AOAH: variants seen among roughly 807,000 people sequenced by gnomAD.
AOAH encodes acyloxyacyl hydrolase (neutrophil).
AOAH carries 64 observed loss-of-function variants against 92.2 expected under a neutral mutation model. The observed-to-expected ratio is 0.69, with a 90% CI of 0.57 to 0.86. AOAH has a LOEUF of 0.86. Ranked by LOEUF, AOAH falls within the 40% of genes least tolerant of loss-of-function variation. The pLI is 0.00. For missense variants in AOAH, 656 were observed against 694.6 expected (o/e 0.94, Z 0.62); for synonymous variants, 263 against 254.5 (o/e 1.03, Z -0.32).
intron 1 of AOAH, among the ~76,000 whole-genome samples, chr7:36,701,090 G>C (rs1308194624): frequency 6.6e-6 from 1 of 151,866 alleles, no homozygotes; most frequent in Non-Finnish European, 1.5e-5. Context: ...AAGGAGGTGT[G>C]TTGTATTACT....
chr7:36,719,938 TTA>T (rs1491284901), intron 1 of AOAH, among the ~76,000 whole-genome samples: 1 of 125,326 alleles, frequency 8.0e-6, no homozygotes, highest in Non-Finnish European at 1.8e-5. Flanking sequence ...TTTGTCTTTA[TTA>T]AAAAAAAAAA....
In AOAH at chr7:36,514,449, G is replaced by A. The variant is rs527447203; in HGVS notation, c.1600-1069C>T. Reference sequence around the variant, plus strand: ...CTTAATACACAGCAGGCTCGACTCTGGCTTTCCCAGCCTGAGGCTTACTCT... The same window carrying A: ...CTTAATACACAGCAGGCTCGACTCTAGCTTTCCCAGCCTGAGGCTTACTCT... On this transcript the variant is annotated intron_variant, in intron 20 of 20. Transcript: ENST00000617537. 8 of 1,507,238 alleles carry A rather than the reference G, an allele frequency of 5.3e-6. No homozygotes were observed. In the South Asian group the frequency reaches 9.6e-5, roughly 18 times the overall value. 93.4% of individuals were successfully genotyped at this position (1,507,238 alleles called of 1,614,324 possible). A position where few individuals can be genotyped will look rare whatever the true frequency, so the allele number is the denominator to read the frequency against.
At chr7:36,540,099 T>A (rs1785319936) in intron 16 of AOAH, among the ~76,000 whole-genome samples, 1 of 152,198 alleles carries the variant, frequency 6.6e-6, no homozygotes, top group African/African-American at 2.4e-5. Context: ...TCCCAATTCT[T>A]CATGAATTAC....
At chr7:36,519,527 T>A (rs1784001967) in intron 20 of AOAH, among the ~76,000 whole-genome samples, 1 of 152,170 alleles carries the variant, frequency 6.6e-6, no homozygotes, top group Non-Finnish European at 1.5e-5. Flanking sequence ...GCTTCCTGGG[T>A]TCAAGCGATT....
At chr7:36,623,042 AAAAAG>A in intron 7 of AOAH, 143 bp downstream of exon 7, 3 of 790,996 alleles carry the variant, frequency 3.8e-6, no homozygotes, top group African/African-American at 1.7e-5. Context: ...CTTGGTCTCA[AAAAAG>A]AAAAGAAATT....
rs73344035 is a variant in AOAH at position 36,664,918 on chromosome 7, G to A, written c.291-5653C>T. On this transcript the variant is annotated intron_variant, in intron 3 of 20. Coordinates refer to ENST00000617537, the MANE Select transcript of AOAH (RefSeq NM_001637.4). Reference sequence around the variant, plus strand: ...CAGGAGTGAGAGAGTGAGGGGGAAAGTACCACACTCTTTTCAACAAACAAA... The same window carrying A: ...CAGGAGTGAGAGAGTGAGGGGGAAAATACCACACTCTTTTCAACAAACAAA... 7.8e-3 allele frequency among the ~76,000 whole-genome samples: 1,180 copies of A among 152,234 alleles called. 16 individuals are homozygous for A. Among genetic ancestry groups the A allele is most frequent in the African/African-American group, 0.027 (1,130 of 41,530 alleles).
At chr7:36,560,714 T>C (rs1294025235) in intron 13 of AOAH, among the ~76,000 whole-genome samples, 1 of 152,200 alleles carries the variant, frequency 6.6e-6, no homozygotes, top group Non-Finnish European at 1.5e-5. Context: ...CTTATTTGGA[T>C]GCTTTTTATA....
chr7:36,531,482 G>A (rs574737558), intron 18 of AOAH, among the ~76,000 whole-genome samples: 3 of 152,184 alleles, frequency 2.0e-5, no homozygotes, highest in Admixed American at 2.0e-4. Context: ...GAGCAGCTGG[G>A]ACTACAGGTG....
chr7:36,604,453 A>G (rs1790842641), intron 11 of AOAH, among the ~76,000 whole-genome samples: 1 of 152,178 alleles, frequency 6.6e-6, no homozygotes, highest in Non-Finnish European at 1.5e-5. Flanking sequence ...CTTTAATAAT[A>G]GAACAGTGAT....
At chr7:36,535,096 GTT>G (rs72050852) in intron 16 of AOAH, among the ~76,000 whole-genome samples, 53,043 of 135,592 alleles carry the variant, frequency 0.39, 11,287 homozygotes, top group East Asian at 0.54. Flanking sequence ...CTGTGTGTGT[GTT>G]TGTGTGTGTC....
chr7:36,654,426 C>T (rs879358860), intron 4 of AOAH, among the ~76,000 whole-genome samples: 4 of 152,182 alleles, frequency 2.6e-5, no homozygotes, highest in Admixed American at 6.5e-5. Flanking sequence ...GGTAGGGAGA[C>T]ACGTCCACAG....
intron 1 of AOAH, among the ~76,000 whole-genome samples, chr7:36,700,708 G>T (rs1394923451): frequency 6.6e-6 from 1 of 152,024 alleles, no homozygotes; most frequent in African/African-American, 2.4e-5. Context: ...CCAGTAGTGG[G>T]ATTGATGGTT....
chr7:36,614,133 C>T lies in AOAH; in HGVS notation c.846+2247G>A, dbSNP rs1343559270. On this transcript the variant is annotated intron_variant, in intron 11 of 20. Transcript: ENST00000617537. This position sits in a 1 kb window ranked among gnomAD's most constrained non-coding sequence, Gnocchi z 4.2. ...AGCACATCCATAGGTGGCTGTATGA[C>T]AGGGCTTCCCCACCGTGCCCATGTC... Among the ~76,000 whole-genome samples, 2 of 152,292 alleles carry T rather than the reference C, an allele frequency of 1.3e-5. No homozygotes were observed. The highest frequency in any genetic ancestry group is 1.9e-4 in the East Asian group (1 of 5,188).
chr7:36,571,385 C>T (rs1480067272), intron 13 of AOAH, among the ~76,000 whole-genome samples: 4 of 152,178 alleles, frequency 2.6e-5, no homozygotes, highest in Non-Finnish European at 4.4e-5. Context: ...CCAGCACATC[C>T]AAGAGCTCCC....
intron 3 of AOAH, among the ~76,000 whole-genome samples, chr7:36,661,948 T>C (rs1190297841): frequency 2.0e-5 from 3 of 152,168 alleles, no homozygotes; most frequent in Non-Finnish European, 2.9e-5. Flanking sequence ...AGAAAAACAC[T>C]CTTGATTTTC....
intron 11 of AOAH, among the ~76,000 whole-genome samples, chr7:36,595,812 T>C (rs1790065231): frequency 6.6e-6 from 1 of 152,244 alleles, no homozygotes; most frequent in African/African-American, 2.4e-5. Flanking sequence ...AAGAAGCCTT[T>C]GTATTTCTCA....
intron 16 of AOAH, among the ~76,000 whole-genome samples, chr7:36,537,101 A>G (rs7798695): frequency 0.13 from 20,177 of 152,010 alleles, 1,723 homozygotes; most frequent in African/African-American, 0.24. Flanking sequence ...TTTCTAGGAA[A>G]GACCCTGATG....
intron 11 of AOAH, among the ~76,000 whole-genome samples, chr7:36,608,381 CTTTGCA>C (rs1239635546): frequency 6.6e-6 from 1 of 152,194 alleles, no homozygotes; most frequent in Non-Finnish European, 1.5e-5. Flanking sequence ...CACTCCCTTC[CTTTGCA>C]GGCTCTGTGG....
At chr7:36,710,090 C>A (rs1444783108) in intron 1 of AOAH, among the ~76,000 whole-genome samples, 1 of 152,112 alleles carries the variant, frequency 6.6e-6, no homozygotes, top group African/African-American at 2.4e-5. Context: ...ATTTCTGCCT[C>A]CTGATGAACA....
Sources: allele counts gnomAD v4.1 joint callset (sites outside exome capture counted in the v4.1 genomes callset), GRCh38; gene constraint gnomAD v4.1.1; non-coding constraint Gnocchi (gnomAD v3.1); transcripts MANE v1.5; gene names NCBI Gene and HGNC (gene_info 2026-07-23, HGNC 2026-07-21).